KIAA1217: variants seen among roughly 807,000 people sequenced by gnomAD.
KIAA1217 encodes the protein sickle tail protein homolog.
Under a neutral mutation model 163.9 loss-of-function variants are expected in KIAA1217, and 88 were observed. That is an observed-to-expected ratio of 0.54 (90% CI 0.45 to 0.64). KIAA1217 has a LOEUF of 0.64. Among genes scored for constraint, KIAA1217 ranks in the 30% least tolerant of loss-of-function variants. KIAA1217 has a pLI of 0.00. For missense variants in KIAA1217, 2,372 were observed against 2,475.0 expected, an observed-to-expected ratio of 0.96 and a Z score of 0.88; for synonymous variants, 903 against 923.1, an observed-to-expected ratio of 0.98 and a Z score of 0.39.
intron 1 of KIAA1217, among the ~76,000 whole-genome samples, chr10:23,786,796 C>A (rs1835516066): frequency 6.6e-6 from 1 of 152,126 alleles, no homozygotes; most frequent in African/African-American, 2.4e-5. Flanking sequence ...CCACACCTGA[C>A]CACAGAGAAT....
intron 1 of KIAA1217, among the ~76,000 whole-genome samples, chr10:23,984,722 T>C (rs1249243706): frequency 7.1e-6 from 1 of 141,748 alleles, no homozygotes; most frequent in African/African-American, 2.6e-5. Context: ...TGAGAACACA[T>C]GGACATAGGG....
rs56962360 is a variant in KIAA1217, at chr10:24,053,066, A to C, written c.-171+45692A>C. Among the ~76,000 whole-genome samples, 427 of 152,284 alleles carry C rather than the reference A, an allele frequency of 2.8e-3. 3 individuals are homozygous for C. Among genetic ancestry groups the C allele is most frequent in the African/African-American group, 9.6e-3 (400 of 41,558 alleles). ...AATAATCTTTAGAGTTTTAAGGCAG[A>C]CCACAAAGTCTGCCTGCATGGTTTT... On this transcript the variant is annotated intron_variant, in intron 2 of 18. Transcript: ENST00000376462.
At chr10:24,095,654 C>T (rs1177829741) in intron 2 of KIAA1217, among the ~76,000 whole-genome samples, 1 of 152,184 alleles carries the variant, frequency 6.6e-6, no homozygotes, top group African/African-American at 2.4e-5. Flanking sequence ...TCTCCCTAGA[C>T]AAACTCTATC....
chr10:24,087,362 T>C (rs547596142), intron 2 of KIAA1217, among the ~76,000 whole-genome samples: 44 of 152,348 alleles, frequency 2.9e-4, no homozygotes, highest in African/African-American at 1.1e-3. Flanking sequence ...CTGCCTTACA[T>C]AATTTAAGCT....
chr10:24,064,971 T>C (rs1482063119), intron 2 of KIAA1217, among the ~76,000 whole-genome samples: 3 of 152,216 alleles, frequency 2.0e-5, no homozygotes, highest in Admixed American at 6.5e-5. Context: ...TGTATTTCTG[T>C]GGGATCGGTG....
At chr10:24,347,631 G>C (rs1454763648) in intron 2 of KIAA1217, among the ~76,000 whole-genome samples, 1 of 151,994 alleles carries the variant, frequency 6.6e-6, no homozygotes, top group Non-Finnish European at 1.5e-5. Context: ...TACTCTATTG[G>C]CATTCAGGGA....
intron 2 of KIAA1217, among the ~76,000 whole-genome samples, chr10:24,169,050 CA>C (rs2065493039): frequency 1.3e-5 from 2 of 152,312 alleles, no homozygotes; most frequent in African/African-American, 4.8e-5. Flanking sequence ...GCAGGAAGTG[CA>C]GTTGATAAAA....
At chr10:23,978,915 G>T (rs1845650835) in intron 1 of KIAA1217, among the ~76,000 whole-genome samples, 1 of 152,124 alleles carries the variant, frequency 6.6e-6, no homozygotes, top group African/African-American at 2.4e-5. Context: ...GGCTCTGTCG[G>T]TTATGGAAAG....
At chr10:24,407,122 A>G (rs2057298580) in intron 3 of KIAA1217, among the ~76,000 whole-genome samples, 1 of 152,214 alleles carries the variant, frequency 6.6e-6, no homozygotes, top group Non-Finnish European at 1.5e-5. Flanking sequence ...AAATCCTGAC[A>G]CATTTCCCAA....
intron 1 of KIAA1217, among the ~76,000 whole-genome samples, chr10:23,985,571 T>C (rs931087871): frequency 1.3e-5 from 2 of 152,208 alleles, no homozygotes; most frequent in African/African-American, 2.4e-5. Flanking sequence ...TGTCAGTTGA[T>C]CTCATCATCA....
At chr10:24,390,946 G>A (rs913325183) in intron 3 of KIAA1217, among the ~76,000 whole-genome samples, 4 of 152,178 alleles carry the variant, frequency 2.6e-5, no homozygotes, top group African/African-American at 9.6e-5. Context: ...AAAAGATCAT[G>A]TGGATTCATG....
At position 23,790,205 on chromosome 10, in the gene KIAA1217, A is replaced by G. The variant is rs546515552; in HGVS notation, c.-321+94971A>G. ...TATACACATATACACATATGCATAT[A>G]CACATATACACATATGCATATGCAC... On this transcript the variant is annotated intron_variant, in intron 1 of 18. Transcript: ENST00000376462. Among the ~76,000 whole-genome samples, 26 of 7,486 alleles carry G rather than the reference A, an allele frequency of 3.5e-3. 3 individuals are homozygous for G. Among genetic ancestry groups the G allele is most frequent in the South Asian group, 0.01 (2 of 194 alleles). The allele number at this position is 7,486 out of a possible 152,430, so 4.9% of individuals were successfully genotyped here. A position where few individuals can be genotyped will look rare whatever the true frequency, so the allele number is the denominator to read the frequency against.
chr10:23,961,425 A>C (rs1844816184), intron 1 of KIAA1217, among the ~76,000 whole-genome samples: 1 of 152,208 alleles, frequency 6.6e-6, no homozygotes, highest in Non-Finnish European at 1.5e-5. Context: ...TTTCTAAATA[A>C]AATGATTAGA....
intron 2 of KIAA1217, among the ~76,000 whole-genome samples, chr10:24,328,604 T>G (rs2045256511): frequency 6.6e-6 from 1 of 152,132 alleles, no homozygotes; most frequent in African/African-American, 2.4e-5. Context: ...TTTTATTTAC[T>G]AGGAATAAAT....
chr10:24,380,860 C>T lies in KIAA1217; in HGVS notation c.355-9C>T. 1.3e-6 allele frequency: 2 copies of T among 1,491,992 alleles called. No homozygotes were observed. The highest frequency in any genetic ancestry group is 8.9e-7 in the Non-Finnish European group (1 of 1,117,416). 92.4% of individuals were successfully genotyped at this position (1,491,992 alleles called of 1,614,324 possible). ...TATTTTCCCACTTTCTTTAAAATGC[C>T]TTTTGCAGACAAGGAGCCCCAAACT... is the stretch of plus-strand genomic sequence containing the variant. On this transcript the variant is annotated splice_polypyrimidine_tract_variant and intron_variant, in intron 2 of 20. Transcript: ENST00000376454.
intron 1 of KIAA1217, among the ~76,000 whole-genome samples, chr10:23,842,430 A>G (rs1838831743): frequency 6.6e-6 from 1 of 152,174 alleles, no homozygotes; most frequent in Non-Finnish European, 1.5e-5. Flanking sequence ...GGCAGTCTTC[A>G]AAACAGGTGG....
At position 24,547,257 on chromosome 10, in the gene KIAA1217, T is replaced by C. The variant is rs1327457678; in HGVS notation, c.*933T>C. On this transcript the variant is annotated 3_prime_UTR_variant, in exon 21 of 21. Coordinates refer to ENST00000376454, the MANE Select transcript of KIAA1217 (RefSeq NM_019590.5). ...TATACATAGACATAAAAATACTGTA[T>C]GTGACAGCACATAGAGTAGTTTTCC... The C allele has an allele frequency of 2.0e-5, 3 of 152,608 alleles. No individual in the cohort carries two copies. Among genetic ancestry groups the C allele is most frequent in the Non-Finnish European group, 4.4e-5 (3 of 68,034 alleles). The allele number at this position is 152,608 out of a possible 1,614,324, so 9.5% of individuals were successfully genotyped here.
chr10:24,356,656 C>T (rs1228514371), intron 2 of KIAA1217, among the ~76,000 whole-genome samples: 1 of 152,196 alleles, frequency 6.6e-6, no homozygotes, highest in Non-Finnish European at 1.5e-5. Context: ...CTTGGAAGCA[C>T]GTTCCTAAGA....
chr10:23,701,069 A>T (rs148359256), intron 1 of KIAA1217, among the ~76,000 whole-genome samples: 30 of 152,328 alleles, frequency 2.0e-4, no homozygotes, highest in Non-Finnish European at 4.1e-4. Flanking sequence ...AAATGAAACC[A>T]TGCACATTGA....
Sources: allele counts gnomAD v4.1 joint callset (sites outside exome capture counted in the v4.1 genomes callset), GRCh38; gene constraint gnomAD v4.1.1; transcripts MANE v1.5; gene names NCBI Gene and HGNC (gene_info 2026-07-23, HGNC 2026-07-21).